ERC1: variants seen among roughly 807,000 people sequenced by gnomAD.
ERC1 encodes ELKS/RAB6-interacting/CAST family member 1.
In ERC1, 56 loss-of-function variants were observed where a neutral mutation model predicts 132.0. The observed-to-expected ratio is 0.42, with a 90% CI of 0.34 to 0.53. The LOEUF is 0.53. Ranked by LOEUF, ERC1 falls within the 20% of genes least tolerant of loss-of-function variation. ERC1 has a pLI of 0.03. For missense variants in ERC1, 1,202 were observed against 1,349.9 expected, an observed-to-expected ratio of 0.89 and a Z score of 1.72; for synonymous variants, 478 against 476.1, an observed-to-expected ratio of 1.00 and a Z score of -0.05.
At chr12:1,488,275 C>T (rs191701870) in intron 18 of ERC1, among the ~76,000 whole-genome samples, 18 of 152,206 alleles carry the variant, frequency 1.2e-4, no homozygotes, top group South Asian at 2.1e-4. Context: ...CACCACTGTA[C>T]GCAGCTCCCT....
intron 17 of ERC1, among the ~76,000 whole-genome samples, chr12:1,423,393 G>A (rs754068772): frequency 3.9e-5 from 6 of 152,184 alleles, no homozygotes; most frequent in Non-Finnish European, 8.8e-5. Context: ...ACGTGCCTTT[G>A]TTTATCTTTT....
chr12:1,418,603 CTTTCTTTCTT>C (rs879499136), intron 17 of ERC1, among the ~76,000 whole-genome samples: 6,617 of 77,404 alleles, frequency 0.085, 225 homozygotes, highest in Non-Finnish European at 0.1. Flanking sequence ...TTCTTTCTTT[CTTTCTTTCTT>C]TCTTTCTTTC....
intron 1 of ERC1, chr12:991,838 T>C (rs1213868379): frequency 2.0e-5 from 3 of 152,244 alleles, no homozygotes; most frequent in Non-Finnish European, 2.9e-5. Context: ...TTCTTTTCGA[T>C]GAAATGGTGA....
intron 2 of ERC1, among the ~76,000 whole-genome samples, chr12:1,043,124 A>C (rs1215544158): frequency 1.3e-5 from 2 of 150,242 alleles, no homozygotes; most frequent in Non-Finnish European, 3.0e-5. Context: ...GCTGATTGCA[A>C]CCTTTGCCTC....
At chr12:1,471,810 C>T (rs2093867368) in intron 18 of ERC1, among the ~76,000 whole-genome samples, 1 of 152,218 alleles carries the variant, frequency 6.6e-6, no homozygotes, top group African/African-American at 2.4e-5. Flanking sequence ...AAGCTTTCCT[C>T]TCAGGTAGGG....
At chr12:1,178,068 C>T (rs917667479) in intron 8 of ERC1, among the ~76,000 whole-genome samples, 5 of 152,150 alleles carry the variant, frequency 3.3e-5, no homozygotes. Flanking sequence ...TTCACCCATA[C>T]GATTATCTCT....
chr12:1,419,671 G>A (rs765637634), intron 17 of ERC1, among the ~76,000 whole-genome samples: 21 of 151,788 alleles, frequency 1.4e-4, no homozygotes, highest in Non-Finnish European at 2.6e-4. Context: ...AGGAATTGTC[G>A]TTTAGTGGAT....
intron 15 of ERC1, among the ~76,000 whole-genome samples, chr12:1,320,152 G>A (rs11611930): frequency 0.22 from 34,189 of 152,056 alleles, 4,208 homozygotes; most frequent in Non-Finnish European, 0.27. Flanking sequence ...GTGTAATATT[G>A]CAGATAATAC....
chr12:1,356,929 G>T (rs1034384634), intron 15 of ERC1, among the ~76,000 whole-genome samples: 1 of 152,196 alleles, frequency 6.6e-6, no homozygotes, highest in African/African-American at 2.4e-5. Context: ...ATTAATGCAA[G>T]AAGGTAATAA....
At chr12:1,154,338 T>TACCCATGTGTGTTTATACACACAC (rs1951154329) in intron 8 of ERC1, among the ~76,000 whole-genome samples, 1 of 118,856 alleles carries the variant, frequency 8.4e-6, no homozygotes, top group South Asian at 2.6e-4. Context: ...TATACACACA[T>TACCCATGTGTGTTTATACACACAC]ACCCATGTGT....
At chr12:1,124,937 T>A (rs1340771872) in intron 7 of ERC1, among the ~76,000 whole-genome samples, 1 of 151,958 alleles carries the variant, frequency 6.6e-6, no homozygotes, top group Admixed American at 6.6e-5. Context: ...CCTCATCCCT[T>A]TTTCCCTCCC....
chr12:1,279,859 C>A (rs868178954), intron 14 of ERC1, among the ~76,000 whole-genome samples: 1 of 151,944 alleles, frequency 6.6e-6, no homozygotes. Context: ...CCATGCCCAG[C>A]TAATTTTTGT....
intron 14 of ERC1, among the ~76,000 whole-genome samples, chr12:1,278,987 C>A (rs1242221687): frequency 6.6e-6 from 1 of 151,992 alleles, no homozygotes; most frequent in Non-Finnish European, 1.5e-5. Context: ...TTATACTCAA[C>A]ATGAACTTGG....
chr12:1,119,258 G>GT lies in ERC1; in HGVS notation c.1569+3233dup, dbSNP rs112751850. On this transcript the variant is annotated intron_variant, in intron 7 of 18. Coordinates refer to ENST00000360905, the MANE Select transcript of ERC1 (RefSeq NM_178040.4). The stretch of plus-strand genomic sequence containing the variant: ...ATCTGTTTGTTTTTTGTTTTGTTTT[G>GT]TTTTTTTTGTTTTTTTTTTCCCTAT... 5.6e-3 allele frequency among the ~76,000 whole-genome samples: 838 copies of GT among 149,440 alleles called. 10 individuals are homozygous for GT. Among genetic ancestry groups the GT allele is most frequent in the African/African-American group, 0.015 (606 of 39,390 alleles).
At chr12:997,568 T>G (rs534118462) in intron 1 of ERC1, among the ~76,000 whole-genome samples, 1 of 152,312 alleles carries the variant, frequency 6.6e-6, no homozygotes, top group Non-Finnish European at 1.5e-5. Flanking sequence ...ACTGGTGGCA[T>G]AGAGGATAAT....
chr12:1,368,454 T>G (rs909336607), intron 15 of ERC1, among the ~76,000 whole-genome samples: 3 of 152,212 alleles, frequency 2.0e-5, no homozygotes, highest in Non-Finnish European at 4.4e-5. Flanking sequence ...CAATTTGCTT[T>G]TTTTTCCACT....
At chr12:1,004,806 CTGTGTGTGTG>C (rs60674277) in intron 1 of ERC1, among the ~76,000 whole-genome samples, 14,816 of 146,784 alleles carry the variant, frequency 0.1, 1,378 homozygotes, top group African/African-American at 0.24. Flanking sequence ...CTGCCTTTTT[CTGTGTGTGTG>C]TGTGTGTGTG....
chr12:1,352,068 C>A (rs1371131300), intron 15 of ERC1, among the ~76,000 whole-genome samples: 1 of 152,102 alleles, frequency 6.6e-6, no homozygotes, highest in East Asian at 1.9e-4. Context: ...CTGAAATACC[C>A]AATTCTCCCC....
chr12:1,462,293 A>G (rs2093659172), intron 18 of ERC1, among the ~76,000 whole-genome samples: 1 of 152,220 alleles, frequency 6.6e-6, no homozygotes, highest in Non-Finnish European at 1.5e-5. Flanking sequence ...AGTTTCTTAT[A>G]GATGTACATC....
Sources: gnomAD v4.1 joint callset for allele counts (sites outside exome capture counted in the v4.1 genomes callset) on GRCh38, gnomAD v4.1.1 for gene constraint, MANE v1.5 for transcripts, NCBI Gene and HGNC (gene_info 2026-07-23, HGNC 2026-07-21) for gene names.